The following OR2L13 variants were observed in gnomAD, a reference collection of about 807,000 sequenced individuals.
OR2L13 encodes the protein olfactory receptor family 2 subfamily L member 13.
In OR2L13, 14 loss-of-function variants were observed where a neutral mutation model predicts 15.3. The ratio of observed to expected loss-of-function variants is 0.91; its 90% CI spans 0.60 to 1.43. The LOEUF (loss-of-function observed/expected upper bound fraction) is 1.43, where lower values mean the gene tolerates loss of function less well. Ranked by LOEUF, OR2L13 falls within the 40% of genes most tolerant of loss-of-function variation. The pLI is 0.00. For missense variants in OR2L13, 367 were observed against 387.9 expected (o/e 0.95, Z 0.45); for synonymous variants, 152 against 142.9 (o/e 1.06, Z -0.45).
At chr1:248,032,958 G>A in the OR2L13 span, among the ~76,000 whole-genome samples, 1 of 148,654 alleles carries the variant, frequency 6.7e-6, no homozygotes, top group Non-Finnish European at 1.5e-5. Flanking sequence ...ACAACTTTTT[G>A]TCTTTACTAT....
At chr1:247,987,056 G>A in the OR2L13 span, among the ~76,000 whole-genome samples, 5 of 151,502 alleles carry the variant, frequency 3.3e-5, no homozygotes, top group African/African-American at 1.2e-4. Context: ...CATTTTTTTT[G>A]ATACTATTGT....
chr1:248,086,661 A>G, the OR2L13 span, among the ~76,000 whole-genome samples: 3 of 152,038 alleles, frequency 2.0e-5, no homozygotes, highest in African/African-American at 7.2e-5. Flanking sequence ...TTTATCTCTC[A>G]TTTAAAGGCT....
At chr1:248,087,692 G>A in the OR2L13 span, among the ~76,000 whole-genome samples, 1 of 152,120 alleles carries the variant, frequency 6.6e-6, no homozygotes, top group African/African-American at 2.4e-5. Flanking sequence ...ACTTGGAAAG[G>A]TATATCATCT....
At chr1:247,943,080 A>C in the OR2L13 span, among the ~76,000 whole-genome samples, 1 of 152,166 alleles carries the variant, frequency 6.6e-6, no homozygotes, top group Admixed American at 6.6e-5. Flanking sequence ...CTATATATAC[A>C]TACATTTTTA....
At chr1:248,003,482 G>T in the OR2L13 span, 233 of 1,609,458 alleles carry the variant, frequency 1.4e-4, 2 homozygotes, top group African/African-American at 2.7e-3. Flanking sequence ...GATATCAATG[G>T]CCTATGTTCG....
At chr1:247,953,934 T>C in the OR2L13 span, among the ~76,000 whole-genome samples, 257 of 151,680 alleles carry the variant, frequency 1.7e-3, 1 homozygote, top group African/African-American at 6.1e-3. Context: ...CAGTGTCTCT[T>C]TTTTTTTCTT....
the OR2L13 span, among the ~76,000 whole-genome samples, chr1:248,071,352 A>G: frequency 6.6e-6 from 1 of 152,186 alleles, no homozygotes; most frequent in Non-Finnish European, 1.5e-5. Flanking sequence ...AATCCAGCAT[A>G]TAAACAGAAC....
chr1:248,004,123 T>C, the OR2L13 span: 3 of 1,379,684 alleles, frequency 2.2e-6, no homozygotes, highest in East Asian at 2.3e-5. Flanking sequence ...TTCAGCAGTG[T>C]ATAGTAATTA....
the OR2L13 span, among the ~76,000 whole-genome samples, chr1:248,058,260 A>AT: frequency 1.3e-5 from 2 of 152,192 alleles, no homozygotes; most frequent in Non-Finnish European, 2.9e-5. Context: ...GTTTTCCCTC[A>AT]TATTTGTCCA....
the OR2L13 span, chr1:248,022,425 G>T: frequency 6.2e-7 from 1 of 1,614,076 alleles, no homozygotes; most frequent in East Asian, 2.2e-5. Context: ...TGCTCACACA[G>T]TATATGCATT....
the OR2L13 span, among the ~76,000 whole-genome samples, chr1:247,948,214 T>TAA: frequency 1.3e-5 from 2 of 150,776 alleles, no homozygotes; most frequent in African/African-American, 4.9e-5. Context: ...CCCTGTCACT[T>TAA]AAAAAAAAAG....
At chr1:247,995,168 T>G in the OR2L13 span, among the ~76,000 whole-genome samples, 2 of 152,216 alleles carry the variant, frequency 1.3e-5, no homozygotes, top group Admixed American at 6.5e-5. Flanking sequence ...ACTGCATGAA[T>G]CCTCATCACT....
At chr1:248,033,124 C>T in the OR2L13 span, among the ~76,000 whole-genome samples, 1 of 152,054 alleles carries the variant, frequency 6.6e-6, no homozygotes, top group Admixed American at 6.6e-5. Flanking sequence ...CAGGATGAAA[C>T]CCATCATAAA....
chr1:248,015,340 G>A, the OR2L13 span, among the ~76,000 whole-genome samples: 1 of 152,180 alleles, frequency 6.6e-6, no homozygotes, highest in Non-Finnish European at 1.5e-5. Flanking sequence ...CCAGGATGCT[G>A]TGGAGAGCCG....
the OR2L13 span, chr1:248,083,748 A>T: frequency 6.2e-7 from 1 of 1,613,938 alleles, no homozygotes; most frequent in South Asian, 1.1e-5. Flanking sequence ...GAGGGGGTTT[A>T]GTAAAGGGGT....
chr1:248,060,723 A>G, the OR2L13 span: 1 of 1,614,002 alleles, frequency 6.2e-7, no homozygotes, highest in East Asian at 2.2e-5. Context: ...TCATCTTATT[A>G]GGATTCTTCC....
At chr1:248,050,069 G>A in the OR2L13 span, among the ~76,000 whole-genome samples, 1 of 152,100 alleles carries the variant, frequency 6.6e-6, no homozygotes, top group African/African-American at 2.4e-5. Context: ...ATCCTGTGAC[G>A]TTCCAGGTGC....
At chr1:247,991,837 GC>G in the OR2L13 span, among the ~76,000 whole-genome samples, 7 of 149,520 alleles carry the variant, frequency 4.7e-5, no homozygotes, top group African/African-American at 1.7e-4. Flanking sequence ...AAAGTTATCC[GC>G]TTAGGTCCTT....
the OR2L13 span, among the ~76,000 whole-genome samples, chr1:248,031,000 C>T: frequency 2.0e-5 from 3 of 152,224 alleles, no homozygotes; most frequent in Non-Finnish European, 2.9e-5. Flanking sequence ...TAGGTATATA[C>T]ATTTTAGGAG....
Sources: gnomAD v4.1 joint callset for allele counts (sites outside exome capture counted in the v4.1 genomes callset) on GRCh38, gnomAD v4.1.1 for gene constraint, MANE v1.5 for transcripts, NCBI Gene and HGNC (gene_info 2026-07-23, HGNC 2026-07-21) for gene names.